The following EFHB variants were observed in gnomAD, a reference collection of about 807,000 sequenced individuals.
EFHB encodes the protein EF-hand domain-containing family member B.
In EFHB, 91 loss-of-function variants were observed where a neutral mutation model predicts 87.2. The observed-to-expected ratio is 1.04, with a 90% CI of 0.88 to 1.24. EFHB has a LOEUF of 1.24. EFHB is among the 50% of genes most tolerant of loss of function. EFHB has a pLI of 0.00. For missense variants in EFHB, 1,084 were observed against 998.8 expected, an observed-to-expected ratio of 1.09 and a Z score of -1.15; for synonymous variants, 325 against 333.6, an observed-to-expected ratio of 0.97 and a Z score of 0.28.
intron 9 of EFHB, among the ~76,000 whole-genome samples, chr3:19,895,536 A>G (rs1020181040): frequency 5.9e-5 from 9 of 152,118 alleles, no homozygotes; most frequent in African/African-American, 2.2e-4. Context: ...AACAGCTATT[A>G]AGATGATCAT....
chr3:19,896,505 C>T lies in EFHB; in HGVS notation c.1725+182G>A, dbSNP rs764150687. Reference sequence around the variant, plus strand: ...TAACTCTGTATTCATACTGCAAAAGCAGCCACAGACAATACTGAAAACAAC... The same window carrying T: ...TAACTCTGTATTCATACTGCAAAAGTAGCCACAGACAATACTGAAAACAAC... On this transcript the variant is annotated intron_variant, in intron 9 of 12. Coordinates refer to ENST00000295824, the MANE Select transcript of EFHB (RefSeq NM_144715.4). The T allele has an allele frequency of 3.6e-6, 3 of 825,064 alleles. No homozygotes were observed. In the East Asian group the frequency reaches 7.9e-5, roughly 22 times the overall value. 51.1% of individuals were successfully genotyped at this position (825,064 alleles called of 1,614,324 possible).
intron 5 of EFHB, among the ~76,000 whole-genome samples, chr3:19,910,292 A>T (rs1015723037): frequency 6.6e-6 from 1 of 152,036 alleles, no homozygotes; most frequent in Non-Finnish European, 1.5e-5. Flanking sequence ...GGGCCTTAAG[A>T]GAACATTGGT....
rs1321497216 is a variant in EFHB at position 19,905,472 on chromosome 3, A to T, written c.1418+148T>A. On this transcript the variant is annotated intron_variant, in intron 6 of 12. Transcript: ENST00000295824. ...AGGATGGGTGTCAGAAGTGAAATAC[A>T]TTACACTGTTTTTTCTATTTTTTTC... is the stretch of plus-strand genomic sequence containing the variant. The T allele has an allele frequency of 9.0e-6, 8 of 891,724 alleles. No individual in the cohort carries two copies. The South Asian group carries it at 1.2e-4, about 13-fold the overall frequency. The allele number at this position is 891,724 out of a possible 1,614,324, so 55.2% of individuals were successfully genotyped here.
intron 9 of EFHB, among the ~76,000 whole-genome samples, chr3:19,891,417 T>TG (rs1339707828): frequency 6.6e-6 from 1 of 152,190 alleles, no homozygotes; most frequent in African/African-American, 2.4e-5. Context: ...GCAAAGCCAC[T>TG]GGCTCAAGAG....
chr3:19,935,942 G>C (rs538274930), upstream of EFHB, among the ~76,000 whole-genome samples: 1 of 147,518 alleles, frequency 6.8e-6, no homozygotes, highest in Non-Finnish European at 1.5e-5. Context: ...CCTGGGAGGC[G>C]GAGGTTGCAG....
At chr3:19,882,035 ATAAATAAATAAATAAATAAATAAATAAT>A (rs897952834) in intron 12 of EFHB, among the ~76,000 whole-genome samples, 2 of 139,970 alleles carry the variant, frequency 1.4e-5, no homozygotes, top group African/African-American at 5.6e-5. Flanking sequence ...AAATAAATAA[ATAAATAAATAAATAAATAAATAAATAAT>A]TAAATAAGAC....
chr3:19,884,240 T>C, intron 11 of EFHB, 163 bp downstream of exon 11: 1 of 632,074 alleles, frequency 1.6e-6, no homozygotes, highest in African/African-American at 1.8e-5. Flanking sequence ...TCAATCAACA[T>C]TTATATGTGG....
intron 1 of EFHB, among the ~76,000 whole-genome samples, chr3:19,930,975 A>G (rs1695809747): frequency 6.6e-6 from 1 of 152,172 alleles, no homozygotes; most frequent in African/African-American, 2.4e-5. Flanking sequence ...TCTATTAAAA[A>G]TACAAAAATT....
chr3:19,919,941 G>C lies in EFHB; in HGVS notation c.888C>G (p.Asn296Lys). The C allele has an allele frequency of 6.2e-7, 1 of 1,613,734 alleles. No homozygotes were observed. Among genetic ancestry groups the C allele is most frequent in the Non-Finnish European group, 8.5e-7 (1 of 1,179,770 alleles). Residue 296 changes from asparagine (N) to lysine (K), a missense_variant, in exon 3 of 13, where the codon AAC becomes AAG. Physicochemically the swap from Asn to Lys is moderately conservative, Grantham distance 94 (BLOSUM62 0). Transcript: ENST00000295824. ...ITPPEAKKYF[N>K]FRYPPAGVER... ...CTACTCCAGCAGGTGGATATCTGAA[G>C]TTGAAATACTTTTTTGCTTCAGGTG...
At chr3:19,901,674 C>A (rs1274038559) in intron 6 of EFHB, among the ~76,000 whole-genome samples, 1 of 152,096 alleles carries the variant, frequency 6.6e-6, no homozygotes, top group Non-Finnish European at 1.5e-5. Flanking sequence ...CCAGGCCAGG[C>A]GCAGCGGCTC....
rs753651847 is a variant in EFHB at position 19,919,892 on chromosome 3, T to C, written c.937A>G (p.Asn313Asp). Residue 313 changes from asparagine to aspartate, a missense_variant, in exon 3 of 13, where the codon AAT (asparagine) becomes GAT (aspartate). Asn to Asp is a conservative substitution (Grantham distance 23). Transcript: ENST00000295824. ...AAATAAGGTGCAATCTGGGGATCAT[T>C]TGCTCTTCCGTAAAATACTCTTTCT... ...GVERVFYGRA[N>D]DPQIAPYLTH... 8.1e-6 allele frequency: 13 copies of C among 1,613,664 alleles called. No individual in the cohort carries two copies. Among genetic ancestry groups the C allele is most frequent in the Non-Finnish European group, 1.1e-5 (13 of 1,179,782 alleles).
chr3:19,914,193 C>T lies in EFHB; in HGVS notation c.1288+1110G>A, dbSNP rs114182828. ...AAACTCCTGGGCTCAAGTGATCCGG[C>T]GCTGAGATTACAAGAGTGAGCCACC... On this transcript the variant is annotated intron_variant, in intron 5 of 12. Transcript: ENST00000295824. Among the ~76,000 whole-genome samples the T allele has an allele frequency of 2.0e-3, 306 of 152,210 alleles. 1 individual carries two copies. The highest frequency in any genetic ancestry group is 6.9e-3 in the African/African-American group (287 of 41,532).
chr3:19,927,785 A>G (rs1695681129), intron 1 of EFHB, among the ~76,000 whole-genome samples: 1 of 152,050 alleles, frequency 6.6e-6, no homozygotes, highest in African/African-American at 2.4e-5. Flanking sequence ...TCCTACTCTG[A>G]GACTCAGGGG....
chr3:19,899,618 G>A, intron 6 of EFHB, 103 bp from the exon 7 acceptor site: 5 of 681,394 alleles, frequency 7.3e-6, no homozygotes, highest in South Asian at 4.0e-5. Flanking sequence ...AGGCCTTCCA[G>A]GAACAAATGT....
At chr3:19,936,217 G>T, upstream of EFHB, 2 of 882,462 alleles carry the variant, frequency 2.3e-6, no homozygotes, top group Non-Finnish European at 3.6e-6. Context: ...CAGCGTGGTG[G>T]CTCACATCTG....
At chr3:19,886,465 T>C (rs1694103592) in intron 10 of EFHB, among the ~76,000 whole-genome samples, 2 of 151,986 alleles carry the variant, frequency 1.3e-5, no homozygotes, top group Non-Finnish European at 2.9e-5. Context: ...TAAGGTAGGC[T>C]GGATGCAGTG....
At chr3:19,906,983 T>C (rs576720363) in intron 5 of EFHB, among the ~76,000 whole-genome samples, 12 of 151,490 alleles carry the variant, frequency 7.9e-5, no homozygotes, top group Admixed American at 3.3e-4. Flanking sequence ...CTTCAATAAA[T>C]GGTCCTGGGA....
At chr3:19,881,547 A>C (rs1335053415) in intron 12 of EFHB, among the ~76,000 whole-genome samples, 1 of 152,122 alleles carries the variant, frequency 6.6e-6, no homozygotes, top group Non-Finnish European at 1.5e-5. Context: ...AGAGTGATTG[A>C]GGAAAGTGAA....
intron 6 of EFHB, among the ~76,000 whole-genome samples, chr3:19,902,150 A>G (rs1217308162): frequency 6.6e-6 from 1 of 152,144 alleles, no homozygotes; most frequent in East Asian, 1.9e-4. Flanking sequence ...AACAATCTTG[A>G]GTTGCATTCA....
Sources: gnomAD v4.1 joint callset for allele counts (sites outside exome capture counted in the v4.1 genomes callset) on GRCh38, gnomAD v4.1.1 for gene constraint, MANE v1.5 for transcripts, NCBI Gene and HGNC (gene_info 2026-07-23, HGNC 2026-07-21) for gene names.